The following NELL1 variants were observed in gnomAD, a reference collection of about 807,000 sequenced individuals.
The protein encoded by NELL1 is protein kinase C-binding protein NELL1.
NELL1 carries 76 observed loss-of-function variants against 107.4 expected under a neutral mutation model. The observed-to-expected ratio is 0.71, with a 90% CI of 0.59 to 0.86. NELL1 has a LOEUF of 0.86. Ranked by LOEUF, NELL1 falls within the 40% of genes least tolerant of loss-of-function variation. NELL1 has a pLI of 0.00. For missense variants in NELL1, 1,024 were observed against 1,005.5 expected (o/e 1.02, Z -0.25); for synonymous variants, 353 against 341.2 (o/e 1.03, Z -0.38).
At chr11:21,326,473 A>T (rs539441773) in intron 14 of NELL1, among the ~76,000 whole-genome samples, 1 of 152,040 alleles carries the variant, frequency 6.6e-6, no homozygotes, top group Non-Finnish European at 1.5e-5. Context: ...AAATTTATGC[A>T]TGTTATAAAC....
In NELL1 at chr11:20,884,320, A is replaced by T. The variant is rs1405258397; in HGVS notation, c.507-1124A>T. The stretch of plus-strand genomic sequence containing the variant: ...AATACATCGCCCTCTGGCAGGAGGC[A>T]GTCAGCTCCATCACAGCAGGGAGGA... On this transcript the variant is annotated intron_variant, in intron 4 of 19. Coordinates refer to ENST00000357134, the MANE Select transcript of NELL1 (RefSeq NM_006157.5). Among the ~76,000 whole-genome samples, 3 of 152,246 alleles carry T rather than the reference A, an allele frequency of 2.0e-5. No homozygotes were observed. The East Asian group carries it at 5.8e-4, about 29-fold the overall frequency.
At chr11:21,096,881 T>A (rs1854655889) in intron 12 of NELL1, among the ~76,000 whole-genome samples, 1 of 151,964 alleles carries the variant, frequency 6.6e-6, no homozygotes, top group Admixed American at 6.6e-5. Flanking sequence ...TGGCTAAGTT[T>A]TTGTATTATT....
intron 12 of NELL1, among the ~76,000 whole-genome samples, chr11:20,996,830 C>T (rs546801120): frequency 1.3e-5 from 2 of 152,234 alleles, no homozygotes; most frequent in African/African-American, 2.4e-5. Context: ...TACCCATCTC[C>T]GTAAAACTGA....
At chr11:20,826,621 T>C (rs1857889896) in intron 3 of NELL1, among the ~76,000 whole-genome samples, 1 of 151,264 alleles carries the variant, frequency 6.6e-6, no homozygotes, top group Non-Finnish European at 1.5e-5. Flanking sequence ...TAATTATTTT[T>C]TATTGCACAA....
chr11:21,229,533 G>T, intron 14 of NELL1, 79 bp downstream of exon 14: 1 of 1,575,928 alleles, frequency 6.3e-7, no homozygotes, highest in Admixed American at 1.7e-5. Context: ...GGACCTTCTT[G>T]GTAACTCTTG....
intron 2 of NELL1, among the ~76,000 whole-genome samples, chr11:20,737,318 CT>C (rs1364813747): frequency 1.2e-4 from 19 of 152,094 alleles, no homozygotes; most frequent in Admixed American, 2.6e-4. Flanking sequence ...TCTGGGGTAT[CT>C]GTTTTCAGAT....
chr11:20,771,622 A>G (rs556188508), intron 2 of NELL1, among the ~76,000 whole-genome samples: 23 of 152,316 alleles, frequency 1.5e-4, no homozygotes, highest in Admixed American at 2.6e-4. Context: ...TAAGTTCTAA[A>G]GATACTCTTA....
chr11:20,816,815 T>C (rs1857633607), intron 3 of NELL1, among the ~76,000 whole-genome samples: 1 of 152,156 alleles, frequency 6.6e-6, no homozygotes, highest in Non-Finnish European at 1.5e-5. Context: ...GTATATTTTT[T>C]TCCATGTCTA....
chr11:20,738,926 T>C (rs1009392824), intron 2 of NELL1, among the ~76,000 whole-genome samples: 13 of 152,188 alleles, frequency 8.5e-5, no homozygotes, highest in African/African-American at 2.2e-4. Context: ...AAGCAAGTCA[T>C]TGAGGTGTTA....
chr11:21,431,422 T>C (rs577623886), intron 15 of NELL1, among the ~76,000 whole-genome samples: 207 of 152,342 alleles, frequency 1.4e-3, no homozygotes, highest in African/African-American at 4.7e-3. Flanking sequence ...TAATTTGTTT[T>C]GTTCACTAAT....
At chr11:20,919,405 T>C in intron 7 of NELL1, 71 bp downstream of exon 7, 1 of 939,306 alleles carries the variant, frequency 1.1e-6, no homozygotes, top group East Asian at 2.5e-5. Context: ...GAGTGATATG[T>C]TATAATGGAA....
intron 2 of NELL1, among the ~76,000 whole-genome samples, chr11:20,702,492 A>G (rs1358675894): frequency 6.6e-6 from 1 of 151,956 alleles, no homozygotes; most frequent in East Asian, 1.9e-4. Context: ...CTAACTGAAT[A>G]CCCTTTATTT....
rs117714592 is a variant in NELL1 at position 20,785,280 on chromosome 11, C to G, written c.335+1450C>G. On this transcript the variant is annotated intron_variant, in intron 3 of 19. Transcript: ENST00000357134. ...CAGCCTCAAAGCGTGGTGATGGACC[C>G]TGATCATTTTGTGGGGGTGTTGTCA... Among the ~76,000 whole-genome samples the G allele has an allele frequency of 2.6e-3, 397 of 152,294 alleles. 2 individuals are homozygous for G. Among genetic ancestry groups the G allele is most frequent in the Non-Finnish European group, 4.1e-3 (278 of 68,020 alleles).
intron 13 of NELL1, among the ~76,000 whole-genome samples, chr11:21,223,791 A>G (rs1308650893): frequency 1.3e-5 from 2 of 152,126 alleles, no homozygotes; most frequent in African/African-American, 2.4e-5. Flanking sequence ...CTCAAAAAAT[A>G]TATATTGCCC....
At chr11:20,997,907 A>G (rs7117637) in intron 12 of NELL1, among the ~76,000 whole-genome samples, 53,656 of 151,950 alleles carry the variant, frequency 0.35, 12,736 homozygotes, top group African/African-American at 0.68. Flanking sequence ...AGGAGTTCTA[A>G]ATTTCAGTGA....
intron 15 of NELL1, among the ~76,000 whole-genome samples, chr11:21,491,961 C>T (rs12286809): frequency 0.84 from 127,596 of 152,056 alleles, 53,752 homozygotes; most frequent in East Asian, 0.97. Flanking sequence ...TTTGAAGCAA[C>T]TGTGAATGGG....
intron 14 of NELL1, among the ~76,000 whole-genome samples, chr11:21,238,421 A>G (rs147884035): frequency 4.3e-4 from 66 of 152,174 alleles, no homozygotes; most frequent in African/African-American, 1.5e-3. Flanking sequence ...TATTTTCTCA[A>G]TAAAATATTA....
chr11:20,865,346 T>C (rs1564940527), intron 4 of NELL1, among the ~76,000 whole-genome samples: 1 of 152,184 alleles, frequency 6.6e-6, no homozygotes, highest in Non-Finnish European at 1.5e-5. Context: ...TTAACCAAAA[T>C]GTCACCTCCT....
chr11:21,186,246 T>G (rs1316753391), intron 13 of NELL1, among the ~76,000 whole-genome samples: 1 of 151,808 alleles, frequency 6.6e-6, no homozygotes, highest in Non-Finnish European at 1.5e-5. Context: ...AGGAGGGAGT[T>G]TCTGGATTCC....
Sources: gnomAD v4.1 joint callset for allele counts (sites outside exome capture counted in the v4.1 genomes callset) on GRCh38, gnomAD v4.1.1 for gene constraint, MANE v1.5 for transcripts, NCBI Gene and HGNC (gene_info 2026-07-23, HGNC 2026-07-21) for gene names.